The following PTPRZ1 variants were observed in gnomAD, a reference collection of about 807,000 sequenced individuals.
PTPRZ1 encodes receptor-type tyrosine-protein phosphatase zeta.
PTPRZ1 carries 82 observed loss-of-function variants against 214.1 expected under a neutral mutation model. That is an observed-to-expected ratio of 0.38 (90% CI 0.32 to 0.46). The LOEUF is 0.46. Among genes scored for constraint, PTPRZ1 ranks in the 20% least tolerant of loss-of-function variants. The probability of loss-of-function intolerance (pLI) is 1.00; values close to 1 mark genes in which losing one functional copy is unlikely to be tolerated. For synonymous variants in PTPRZ1, 945 were observed against 987.9 expected (o/e 0.96, Z 0.81); for missense variants, 2,603 against 2,748.7 (o/e 0.95, Z 1.19).
intron 3 of PTPRZ1, among the ~76,000 whole-genome samples, chr7:121,972,089 T>C (rs529742295): frequency 6.6e-6 from 1 of 152,174 alleles, no homozygotes; most frequent in African/African-American, 2.4e-5. Context: ...CATGGAGGGA[T>C]AAGCAGCAGC....
At chr7:121,920,469 C>T (rs141235980) in intron 1 of PTPRZ1, among the ~76,000 whole-genome samples, 107 of 151,998 alleles carry the variant, frequency 7.0e-4, no homozygotes, top group Non-Finnish European at 1.3e-3. Context: ...ATTTTTAGCT[C>T]GTTCCTTTAA....
At chr7:121,890,757 C>A (rs552567260) in intron 1 of PTPRZ1, among the ~76,000 whole-genome samples, 106 of 152,080 alleles carry the variant, frequency 7.0e-4, no homozygotes, top group Non-Finnish European at 1.2e-3. Context: ...GTAGCCCTGA[C>A]CTTCTAAGCT....
chr7:121,902,495 C>T (rs1040507015), intron 1 of PTPRZ1, among the ~76,000 whole-genome samples: 4 of 152,088 alleles, frequency 2.6e-5, no homozygotes, highest in African/African-American at 9.7e-5. Flanking sequence ...AATAAGAGTT[C>T]TCCTTTCTTT....
chr7:121,970,429 G>T (rs1295482859), intron 3 of PTPRZ1, among the ~76,000 whole-genome samples: 1 of 152,174 alleles, frequency 6.6e-6, no homozygotes, highest in African/African-American at 2.4e-5. Flanking sequence ...CAGTGTAAAA[G>T]TGTTTCTATT....
intron 1 of PTPRZ1, among the ~76,000 whole-genome samples, chr7:121,884,186 T>C (rs1382568345): frequency 6.6e-6 from 1 of 152,180 alleles, no homozygotes; most frequent in East Asian, 1.9e-4. Flanking sequence ...TAGAAGTATT[T>C]GGTTACTGTA....
intron 8 of PTPRZ1, among the ~76,000 whole-genome samples, chr7:121,996,047 A>G (rs772592404): frequency 6.6e-6 from 1 of 152,226 alleles, no homozygotes; most frequent in Non-Finnish European, 1.5e-5. Context: ...ATACAATACG[A>G]AAGTATGCAA....
rs528914181 is a variant in PTPRZ1, at chr7:121,939,342, C to T, written c.124+11121C>T. 7.2e-5 allele frequency among the ~76,000 whole-genome samples: 11 copies of T among 152,246 alleles called. No homozygotes were observed. The South Asian group carries it at 2.3e-3, about 32-fold the overall frequency. ...AAGGCAGAGCCACCTAGAACCAGTG[C>T]CAAAGCAAATCCAAAACTTGGCATA... On this transcript the variant is annotated intron_variant, in intron 2 of 29. Coordinates refer to ENST00000393386, the MANE Select transcript of PTPRZ1 (RefSeq NM_002851.3).
Position 121,972,686 on chromosome 7 carries a change from A to C in PTPRZ1, c.450A>C (p.Pro150=), listed in dbSNP as rs766418438. The C allele has an allele frequency of 1.2e-6, 2 of 1,602,446 alleles. No homozygotes were observed. Among genetic ancestry groups the C allele is most frequent in the Admixed American group, 1.7e-5 (1 of 58,662 alleles). Reference sequence around the variant, plus strand: ...ATAGTTTAGAAGGACAAAAATTTCCACTTGAGGTAAGTCAGGAGATCTGCT... The same window carrying C: ...ATAGTTTAGAAGGACAAAAATTTCCCCTTGAGGTAAGTCAGGAGATCTGCT... ...SEHSLEGQKF[P]LEMQIYCFDA... is the part of the protein sequence containing the mutation. Residue 150 remains proline, a synonymous_variant, in exon 4 of 30, where the codon CCA becomes CCC. Transcript: ENST00000393386.
intron 1 of PTPRZ1, among the ~76,000 whole-genome samples, chr7:121,880,029 A>T (rs1794187646): frequency 6.6e-6 from 1 of 152,238 alleles, no homozygotes; most frequent in African/African-American, 2.4e-5. Context: ...TTAGTTAAAA[A>T]TATTTTTACT....
intron 1 of PTPRZ1, among the ~76,000 whole-genome samples, chr7:121,888,746 C>A (rs1794482710): frequency 6.6e-6 from 1 of 152,016 alleles, no homozygotes; most frequent in East Asian, 1.9e-4. Context: ...TAAGAGAAAA[C>A]AACACATCTG....
At chr7:122,031,119 C>T (rs1019846002) in intron 14 of PTPRZ1, among the ~76,000 whole-genome samples, 5 of 151,910 alleles carry the variant, frequency 3.3e-5, no homozygotes, top group African/African-American at 9.7e-5. Context: ...CATTTTTTCT[C>T]AGAATTTACA....
At chr7:121,880,560 T>C (rs1183232688) in intron 1 of PTPRZ1, among the ~76,000 whole-genome samples, 2 of 152,140 alleles carry the variant, frequency 1.3e-5, no homozygotes, top group Admixed American at 6.5e-5. Context: ...CTATGAGCTC[T>C]TTTCTCTGAA....
rs1797689699 is a variant in PTPRZ1 at position 121,983,810 on chromosome 7, C to T, written c.765C>T (p.Ile255=). The part of the protein sequence containing the change: ...DWIVFKDTVS[I]SESQLAVFCE... ...TTGTTTTTAAAGATACAGTTAGCAT[C>T]TCTGAAAGCCAGGTAATCTTAGAAA... Residue 255 remains isoleucine (I), a synonymous_variant, in exon 7 of 30, where the codon ATC becomes ATT. Coordinates refer to ENST00000393386, the MANE Select transcript of PTPRZ1 (RefSeq NM_002851.3). 6.2e-7 allele frequency: 1 copy of T among 1,610,210 alleles called. No individual in the cohort carries two copies. The highest frequency in any genetic ancestry group is 1.3e-5 in the African/African-American group (1 of 74,760).
intron 1 of PTPRZ1, among the ~76,000 whole-genome samples, chr7:121,927,601 G>A (rs1015851056): frequency 1.3e-5 from 2 of 152,056 alleles, no homozygotes; most frequent in South Asian, 2.1e-4. Context: ...ATTCACTCAC[G>A]CTATCTGACG....
intron 2 of PTPRZ1, among the ~76,000 whole-genome samples, chr7:121,930,324 C>T (rs909394272): frequency 6.6e-6 from 1 of 151,986 alleles, no homozygotes; most frequent in African/African-American, 2.4e-5. Context: ...TACATAAAAG[C>T]AAAAATTATT....
chr7:121,904,251 T>G (rs1011475634), intron 1 of PTPRZ1, among the ~76,000 whole-genome samples: 1 of 151,904 alleles, frequency 6.6e-6, no homozygotes, highest in African/African-American at 2.4e-5. Context: ...GATTGAGCCG[T>G]TTTTCAAGTA....
chr7:121,955,846 A>T (rs1188783851), intron 2 of PTPRZ1, among the ~76,000 whole-genome samples: 27 of 152,200 alleles, frequency 1.8e-4, no homozygotes, highest in Admixed American at 1.8e-3. Flanking sequence ...GTTAAATTTT[A>T]TCTGCGATTT....
In PTPRZ1 at chr7:121,972,426, G is replaced by A. The variant is rs560021037; in HGVS notation, c.305-115G>A. On this transcript the variant is annotated intron_variant, in intron 3 of 29. Coordinates refer to ENST00000393386, the MANE Select transcript of PTPRZ1 (RefSeq NM_002851.3). ...TTCCAAAATGGCGACTTCATATTTT[G>A]TAAATTTATCAAATAAATGATTTTT... 5,301 of 1,112,208 alleles carry A rather than the reference G, an allele frequency of 4.8e-3. 20 individuals carry two copies. The highest frequency in any genetic ancestry group is 7.0e-3 in the Middle Eastern group (27 of 3,852). 68.9% of individuals were successfully genotyped at this position (1,112,208 alleles called of 1,614,324 possible). A position where few individuals can be genotyped will look rare whatever the true frequency, so the allele number is the denominator to read the frequency against.
chr7:122,038,630 G>A (rs767163587), intron 18 of PTPRZ1, 125 bp from the exon 19 acceptor site: 4 of 816,126 alleles, frequency 4.9e-6, no homozygotes, highest in Non-Finnish European at 7.0e-6. Context: ...CTCCAACTTT[G>A]CAAGTTTATT....
Sources: allele counts gnomAD v4.1 joint callset (sites outside exome capture counted in the v4.1 genomes callset), GRCh38; gene constraint gnomAD v4.1.1; transcripts MANE v1.5; gene names NCBI Gene and HGNC (gene_info 2026-07-23, HGNC 2026-07-21).